UGT1A8: variants seen among roughly 807,000 people sequenced by gnomAD.
UGT1A8 encodes UDP glucuronosyltransferase family 1 member A8.
Under a neutral mutation model 45.3 loss-of-function variants are expected in UGT1A8, and 39 were observed. The ratio of observed to expected loss-of-function variants is 0.86; its 90% CI spans 0.67 to 1.12. UGT1A8 has a LOEUF of 1.12. UGT1A8 is among the 50% of genes most tolerant of loss of function. The pLI is 0.00. For missense variants in UGT1A8, 719 were observed against 664.9 expected, an observed-to-expected ratio of 1.08 and a Z score of -0.90; for synonymous variants, 275 against 249.2, an observed-to-expected ratio of 1.10 and a Z score of -0.97.
In UGT1A8 at chr2:233,723,244, C is replaced by T. The variant is rs1231451860; in HGVS notation, c.856-43790C>T. On this transcript the variant is annotated intron_variant, in intron 1 of 4. Transcript: ENST00000373450. ...TTTTTTTTTTTGAGTTGGAGTCCTG[C>T]TGTCACCCAGGCTGGAGTGCAATGG... Among the ~76,000 whole-genome samples the T allele has an allele frequency of 1.8e-5, 2 of 112,620 alleles. 1 individual carries two copies. Among genetic ancestry groups the T allele is most frequent in the East Asian group, 4.7e-4 (2 of 4,276 alleles). 73.9% of individuals were successfully genotyped at this position (112,620 alleles called of 152,430 possible).
intron 1 of UGT1A8, chr2:233,672,856 C>T: frequency 1.3e-6 from 2 of 1,537,258 alleles, no homozygotes; most frequent in South Asian, 1.3e-5. Flanking sequence ...GGATTCTTTA[C>T]TGAACTGTGA....
rs200127379 is a variant in UGT1A8 at position 233,729,681 on chromosome 2, A to G, written c.856-37353A>G. On this transcript the variant is annotated intron_variant, in intron 1 of 4. Transcript: ENST00000373450. Reference sequence around the variant, plus strand: ...CATGTGATTTAGACTTTAAGGGCACACAGTGTCCAAACCCTTCCTCCTATA... The same window carrying G: ...CATGTGATTTAGACTTTAAGGGCACGCAGTGTCCAAACCCTTCCTCCTATA... 4 of 1,613,946 alleles carry G rather than the reference A, an allele frequency of 2.5e-6. No homozygotes were observed. In the East Asian group the frequency reaches 8.9e-5, roughly 36 times the overall value.
intron 1 of UGT1A8, chr2:233,691,735 C>A: frequency 1.4e-6 from 1 of 734,098 alleles, no homozygotes; most frequent in African/African-American, 1.9e-5. Flanking sequence ...GGGCCAGAAG[C>A]AGATACCAGG....
rs756937083 is a variant in UGT1A8, at chr2:233,637,020, G to A, written c.855+18458G>A. 3.1e-6 allele frequency: 5 copies of A among 1,613,950 alleles called. No individual in the cohort carries two copies. The South Asian group carries it at 4.4e-5, about 14-fold the overall frequency. ...CTAAATATTTCTCCCTCCCCTCTGTGGTCTTCACCAGGGGAATATTTTGCC... is the reference window on the plus strand; with the variant it reads ...CTAAATATTTCTCCCTCCCCTCTGTAGTCTTCACCAGGGGAATATTTTGCC... On this transcript the variant is annotated intron_variant, in intron 1 of 4. Coordinates refer to ENST00000373450, the MANE Select transcript of UGT1A8 (RefSeq NM_019076.5).
At chr2:233,762,023 TA>T (rs1176936322) in intron 1 of UGT1A8, among the ~76,000 whole-genome samples, 2 of 152,334 alleles carry the variant, frequency 1.3e-5, no homozygotes, top group Non-Finnish European at 2.9e-5. Flanking sequence ...ATTTGTATTT[TA>T]TTTTTTTTAA....
intron 1 of UGT1A8, chr2:233,755,267 T>C (rs1315366268): frequency 1.1e-5 from 8 of 759,504 alleles, no homozygotes; most frequent in East Asian, 5.3e-5. Flanking sequence ...AGTAGTCCAC[T>C]ATGCTGGACT....
At position 233,764,579 on chromosome 2, in the gene UGT1A8, G is replaced by A. The variant is rs530578816; in HGVS notation, c.856-2455G>A. Among the ~76,000 whole-genome samples, 7 of 152,190 alleles carry A rather than the reference G, an allele frequency of 4.6e-5. No individual in the cohort carries two copies. The East Asian group carries it at 1.2e-3, about 25-fold the overall frequency. On this transcript the variant is annotated intron_variant, in intron 1 of 4. Transcript: ENST00000373450. ...TGTGCCTGGAGGAGAACTTAGACTC[G>A]GCCTTTTCCAGATGAGCTTCAGTGT...
rs977072941 is a variant in UGT1A8, at chr2:233,679,319, A to T, written c.855+60757A>T. 3.9e-5 allele frequency among the ~76,000 whole-genome samples: 6 copies of T among 152,242 alleles called. No homozygotes were observed. The East Asian group carries it at 1.2e-3, about 29-fold the overall frequency. On this transcript the variant is annotated intron_variant, in intron 1 of 4. Coordinates refer to ENST00000373450, the MANE Select transcript of UGT1A8 (RefSeq NM_019076.5). Reference sequence around the variant, plus strand: ...AAGCCTTGATGGAACCAATCCAGAAAACGCGTTCTTATTGTTGAGTCCTTC... The same window carrying T: ...AAGCCTTGATGGAACCAATCCAGAATACGCGTTCTTATTGTTGAGTCCTTC...
chr2:233,644,045 G>A (rs1478950466), intron 1 of UGT1A8, among the ~76,000 whole-genome samples: 1 of 152,134 alleles, frequency 6.6e-6, no homozygotes, highest in Non-Finnish European at 1.5e-5. Flanking sequence ...TACTCCCTTG[G>A]CTGCTTCAGC....
rs532529523 is a variant in UGT1A8 at position 233,747,113 on chromosome 2, A to T, written c.856-19921A>T. 13 of 1,433,550 alleles carry T rather than the reference A, an allele frequency of 9.1e-6. No homozygotes were observed. The African/African-American group carries it at 1.3e-4, about 14-fold the overall frequency. 88.8% of individuals were successfully genotyped at this position (1,433,550 alleles called of 1,614,324 possible). ...CACTCTATCTTCCAATTACATGATGATTTGCTAAGTGGCTCAGTGACAAGG... is the reference window on the plus strand; with the variant it reads ...CACTCTATCTTCCAATTACATGATGTTTTGCTAAGTGGCTCAGTGACAAGG... On this transcript the variant is annotated intron_variant, in intron 1 of 4. Coordinates refer to ENST00000373450, the MANE Select transcript of UGT1A8 (RefSeq NM_019076.5).
intron 1 of UGT1A8, chr2:233,693,897 G>C (rs901787042): frequency 6.2e-7 from 1 of 1,613,764 alleles, no homozygotes; most frequent in South Asian, 1.1e-5. Context: ...GGACTGCCTT[G>C]TTTCTTCCAG....
At chr2:233,635,948 G>A (rs765090513) in intron 1 of UGT1A8, among the ~76,000 whole-genome samples, 1 of 150,734 alleles carries the variant, frequency 6.6e-6, no homozygotes, top group Non-Finnish European at 1.5e-5. Flanking sequence ...TCTCATTTTG[G>A]CATTTCAGAG....
intron 1 of UGT1A8, among the ~76,000 whole-genome samples, chr2:233,621,605 G>T (rs2073008398): frequency 6.6e-6 from 1 of 152,138 alleles, no homozygotes; most frequent in Non-Finnish European, 1.5e-5. Context: ...ACAAAGGAGA[G>T]ACTTAGTGTC....
At chr2:233,693,025 A>G in intron 1 of UGT1A8, 1 of 1,614,122 alleles carries the variant, frequency 6.2e-7, no homozygotes, top group Non-Finnish European at 8.5e-7. Context: ...TCCTTCGCTC[A>G]TTTCAGAGAA....
intron 1 of UGT1A8, among the ~76,000 whole-genome samples, chr2:233,652,618 T>C (rs2073767094): frequency 6.6e-6 from 1 of 152,190 alleles, no homozygotes; most frequent in South Asian, 2.1e-4. Context: ...CAAAAATGTC[T>C]TGTACATGCA....
chr2:233,667,879 A>G (rs1034585048), intron 1 of UGT1A8, among the ~76,000 whole-genome samples: 2 of 152,198 alleles, frequency 1.3e-5, no homozygotes, highest in African/African-American at 4.8e-5. Context: ...AAGTCAGGAA[A>G]CAACAGGTGC....
At chr2:233,710,590 A>G (rs2076138016) in intron 1 of UGT1A8, among the ~76,000 whole-genome samples, 1 of 152,132 alleles carries the variant, frequency 6.6e-6, no homozygotes, top group Non-Finnish European at 1.5e-5. Flanking sequence ...TCTTCCGCAC[A>G]CCTTTATTGG....
chr2:233,710,234 T>C (rs1256330216), intron 1 of UGT1A8, among the ~76,000 whole-genome samples: 1 of 152,254 alleles, frequency 6.6e-6, no homozygotes, highest in East Asian at 1.9e-4. Flanking sequence ...CTATGACTAT[T>C]CGAGTACGAG....
intron 1 of UGT1A8, among the ~76,000 whole-genome samples, chr2:233,716,135 T>C (rs758883944): frequency 1.1e-4 from 16 of 152,340 alleles, no homozygotes; most frequent in Middle Eastern, 3.4e-3. Flanking sequence ...TGGAATTCCA[T>C]GGCCCTTTTC....
Sources: gnomAD v4.1 joint callset for allele counts (sites outside exome capture counted in the v4.1 genomes callset) on GRCh38, gnomAD v4.1.1 for gene constraint, MANE v1.5 for transcripts, NCBI Gene and HGNC (gene_info 2026-07-23, HGNC 2026-07-21) for gene names.